Variants in EPM2A observed in about 807,000 individuals in gnomAD.
EPM2A encodes EPM2A glucan phosphatase, laforin.
A neutral mutation model predicts 26.5 loss-of-function variants in EPM2A; 21 were observed. That is an observed-to-expected ratio of 0.79 (90% CI 0.56 to 1.14). The LOEUF is 1.14. Among genes scored for constraint, EPM2A ranks in the 50% most tolerant of loss-of-function variants. The pLI is 0.00. For synonymous variants in EPM2A, 217 were observed against 177.6 expected (o/e 1.22, Z -1.76); for missense variants, 458 against 440.8 (o/e 1.04, Z -0.35).
At chr6:145,704,795 T>C (rs1782122288) in intron 1 of EPM2A, among the ~76,000 whole-genome samples, 1 of 152,238 alleles carries the variant, frequency 6.6e-6, no homozygotes, top group African/African-American at 2.4e-5. Flanking sequence ...CCAAATGGTA[T>C]TAATATTCTT....
At chr6:145,652,665 A>G (rs1323299473) in intron 2 of EPM2A, among the ~76,000 whole-genome samples, 1 of 151,940 alleles carries the variant, frequency 6.6e-6, no homozygotes, top group Non-Finnish European at 1.5e-5. Flanking sequence ...ATTCTGACTT[A>G]AAATAGCACA....
At chr6:145,602,873 C>T (rs1781432780) in intron 2 of EPM2A, among the ~76,000 whole-genome samples, 1 of 152,070 alleles carries the variant, frequency 6.6e-6, no homozygotes, top group Admixed American at 6.5e-5. Context: ...ATGTGTGACC[C>T]AAAGGAATAC....
At chr6:145,620,399 C>T (rs1562405586), downstream of EPM2A, among the ~76,000 whole-genome samples, 2 of 152,156 alleles carry the variant, frequency 1.3e-5, no homozygotes, top group South Asian at 4.1e-4. Context: ...TGCTGTGTGG[C>T]CCGGTTCCTA....
intron 4 of EPM2A, among the ~76,000 whole-genome samples, chr6:145,428,608 G>A (rs1186205405): frequency 1.3e-5 from 2 of 152,232 alleles, no homozygotes; most frequent in South Asian, 2.1e-4. Context: ...ATCTAGAAAC[G>A]GAGTTTATAA....
chr6:145,615,918 T>TA (rs1237754379), intron 2 of EPM2A, among the ~76,000 whole-genome samples: 1 of 152,128 alleles, frequency 6.6e-6, no homozygotes, highest in Non-Finnish European at 1.5e-5. Context: ...CATTCAGTTT[T>TA]AAAAGGGAAA....
At chr6:145,484,529 G>C (rs1007875298) in intron 4 of EPM2A, among the ~76,000 whole-genome samples, 2 of 152,048 alleles carry the variant, frequency 1.3e-5, no homozygotes, top group Admixed American at 6.6e-5. Context: ...GAAAGGTATA[G>C]TGTTTGGAGT....
chr6:145,458,073 A>C (rs895314231), intron 4 of EPM2A, among the ~76,000 whole-genome samples: 1 of 152,158 alleles, frequency 6.6e-6, no homozygotes, highest in Non-Finnish European at 1.5e-5. Context: ...TCAGTGCTAC[A>C]CTCACCTATG....
chr6:145,591,123 C>T (rs1049186158), intron 2 of EPM2A, among the ~76,000 whole-genome samples: 3 of 151,860 alleles, frequency 2.0e-5, no homozygotes, highest in African/African-American at 7.3e-5. Context: ...GTAGATTGGG[C>T]ACAGCCAAGG....
rs141570020 is a variant in EPM2A, at chr6:145,648,071, A to G, written c.477-12585T>C. On this transcript the variant is annotated intron_variant, in intron 2 of 3. Transcript: ENST00000367519. Reference sequence around the variant, plus strand: ...CCGCCTCAAATCCCTGGTAATTTCTATTCTATGTGTTCTCATAGATGGTCT... The same window carrying G: ...CCGCCTCAAATCCCTGGTAATTTCTGTTCTATGTGTTCTCATAGATGGTCT... Among the ~76,000 whole-genome samples the G allele has an allele frequency of 2.8e-3, 422 of 152,276 alleles. 6 individuals are homozygous for G. Among genetic ancestry groups the G allele is most frequent in the African/African-American group, 9.7e-3 (403 of 41,560 alleles).
At chr6:145,529,882 C>T (rs568898057) in intron 2 of EPM2A, among the ~76,000 whole-genome samples, 16 of 152,216 alleles carry the variant, frequency 1.1e-4, no homozygotes, top group East Asian at 3.9e-4. Flanking sequence ...GTGTATATGA[C>T]GCCTGAAATA....
chr6:145,562,348 T>C (rs443628), intron 2 of EPM2A, among the ~76,000 whole-genome samples: 55,259 of 151,772 alleles, frequency 0.36, 10,461 homozygotes, highest in South Asian at 0.51. Flanking sequence ...GATGCAGACA[T>C]GTTACACCAA....
At chr6:145,428,672 A>T (rs1778883836) in intron 4 of EPM2A, among the ~76,000 whole-genome samples, 1 of 152,220 alleles carries the variant, frequency 6.6e-6, no homozygotes, top group South Asian at 2.1e-4. Context: ...ATTTGAGGAA[A>T]AGTGTTTTAC....
chr6:145,488,401 T>G (rs1779705310), intron 4 of EPM2A, among the ~76,000 whole-genome samples: 2 of 152,056 alleles, frequency 1.3e-5, no homozygotes, highest in African/African-American at 4.8e-5. Flanking sequence ...ATGAATTGCT[T>G]TGGGCTGTAT....
chr6:145,384,360 C>T lies in EPM2A; in HGVS notation c.556-263G>A, dbSNP rs1399915485. Among the ~76,000 whole-genome samples, 4 of 120,364 alleles carry T rather than the reference C, an allele frequency of 3.3e-5. 1 individual carries two copies. Among genetic ancestry groups the T allele is most frequent in the African/African-American group, 1.3e-4 (4 of 31,932 alleles). 79.0% of individuals were successfully genotyped at this position (120,364 alleles called of 152,430 possible). A position where few individuals can be genotyped will look rare whatever the true frequency, so the allele number is the denominator to read the frequency against. On this transcript the variant is annotated intron_variant, in intron 4 of 4. Transcript: ENST00000638717. ...GTAAGTTGGATTTCTGGGAAAGCAG[C>T]CTCTGAGACACAGGGTTATTTTTTA...
intron 2 of EPM2A, among the ~76,000 whole-genome samples, chr6:145,685,640 A>T (rs962044134): frequency 6.6e-6 from 1 of 152,186 alleles, no homozygotes; most frequent in Non-Finnish European, 1.5e-5. Context: ...CTGGTTTAGG[A>T]ATTAAATGAA....
intron 4 of EPM2A, among the ~76,000 whole-genome samples, chr6:145,465,169 C>A (rs1406176937): frequency 2.6e-5 from 4 of 151,976 alleles, no homozygotes; most frequent in African/African-American, 9.7e-5. Context: ...AGGCTTTGCT[C>A]ATTTCTTTTT....
chr6:145,701,895 C>T (rs1480421326), intron 1 of EPM2A, among the ~76,000 whole-genome samples: 1 of 152,018 alleles, frequency 6.6e-6, no homozygotes, highest in African/African-American at 2.4e-5. Context: ...TAAAACTTGC[C>T]AATTGCCACA....
chr6:145,624,285 C>G (rs78071814), downstream of EPM2A, among the ~76,000 whole-genome samples: 1 of 152,286 alleles, frequency 6.6e-6, no homozygotes, highest in East Asian at 1.9e-4. Flanking sequence ...TCCCCCTCTG[C>G]TTCTACAGTC....
intron 1 of EPM2A, among the ~76,000 whole-genome samples, chr6:145,725,178 C>A (rs1562525386): frequency 6.6e-6 from 1 of 151,916 alleles, no homozygotes; most frequent in Non-Finnish European, 1.5e-5. Context: ...ATACAGATGG[C>A]AAATAAGTAT....
Sources: allele counts gnomAD v4.1 joint callset (sites outside exome capture counted in the v4.1 genomes callset), GRCh38; gene constraint gnomAD v4.1.1; transcripts MANE v1.5; gene names NCBI Gene and HGNC (gene_info 2026-07-23, HGNC 2026-07-21).